Variants in VAV3 observed in about 807,000 individuals in gnomAD.
VAV3 encodes the protein vav guanine nucleotide exchange factor 3, also known as guanine nucleotide exchange factor VAV3.
A neutral mutation model predicts 131.2 loss-of-function variants in VAV3; 94 were observed. The ratio of observed to expected loss-of-function variants is 0.72; its 90% CI spans 0.61 to 0.85. VAV3 has a LOEUF of 0.85. Ranked by LOEUF, VAV3 falls within the 40% of genes least tolerant of loss-of-function variation. The pLI, the probability that VAV3 is intolerant of heterozygous loss-of-function variation, is 0.00. For synonymous variants in VAV3, 349 were observed against 342.0 expected (o/e 1.02, Z -0.22); for missense variants, 939 against 1,002.7 (o/e 0.94, Z 0.86).
rs955575190 is a variant in VAV3 at position 107,911,255 on chromosome 1, T to C, written c.205-36238A>G. ...AAATAAAAGTTACCTGCAACCTTAC[T>C]AACATTAACATGTATATATCTGTGT... On this transcript the variant is annotated intron_variant, in intron 1 of 26. Transcript: ENST00000370056. 5.3e-4 allele frequency among the ~76,000 whole-genome samples: 81 copies of C among 152,240 alleles called. 1 individual carries two copies. Among genetic ancestry groups the C allele is most frequent in the Non-Finnish European group, 1.5e-5 (1 of 68,042 alleles).
At chr1:107,580,675 T>C (rs1042233782) in intron 25 of VAV3, among the ~76,000 whole-genome samples, 2 of 152,182 alleles carry the variant, frequency 1.3e-5, no homozygotes, top group Admixed American at 1.3e-4. Context: ...TTAATTCCTT[T>C]GAGCTGGAAA....
intron 1 of VAV3, among the ~76,000 whole-genome samples, chr1:107,889,224 C>T (rs536972321): frequency 1.1e-4 from 16 of 150,122 alleles, no homozygotes; most frequent in Non-Finnish European, 2.2e-4. Flanking sequence ...CCAAAAACCT[C>T]CAAATTCTGT....
intron 15 of VAV3, among the ~76,000 whole-genome samples, chr1:107,732,664 G>C (rs1662326804): frequency 6.6e-6 from 1 of 152,184 alleles, no homozygotes; most frequent in African/African-American, 2.4e-5. Context: ...TGGGGAAGGG[G>C]CATCTGCCAT....
chr1:107,925,522 A>G (rs549844333), intron 1 of VAV3, among the ~76,000 whole-genome samples: 1 of 152,322 alleles, frequency 6.6e-6, no homozygotes, highest in East Asian at 1.9e-4. Context: ...AAATTCTGCC[A>G]TATGCTACAA....
chr1:107,627,905 G>C (rs1406740957), intron 20 of VAV3, among the ~76,000 whole-genome samples: 1 of 152,070 alleles, frequency 6.6e-6, no homozygotes, highest in Non-Finnish European at 1.5e-5. Flanking sequence ...ATTCATTCCA[G>C]ACCTATGGAC....
intron 2 of VAV3, among the ~76,000 whole-genome samples, chr1:107,788,885 T>C (rs1376539407): frequency 6.6e-6 from 1 of 152,236 alleles, no homozygotes; most frequent in Non-Finnish European, 1.5e-5. Context: ...AAAGATTACA[T>C]GGCAATTTTA....
chr1:107,789,083 T>C (rs890196734), intron 2 of VAV3, among the ~76,000 whole-genome samples: 2 of 152,348 alleles, frequency 1.3e-5, no homozygotes, highest in Non-Finnish European at 1.5e-5. Flanking sequence ...ATGCCCCATG[T>C]GCTCATGTCA....
rs142055075 is a variant in VAV3, at chr1:107,881,595, C to T, written c.205-6578G>A. Among the ~76,000 whole-genome samples, 627 of 152,288 alleles carry T rather than the reference C, an allele frequency of 4.1e-3. 5 individuals are homozygous for T. Among genetic ancestry groups the T allele is most frequent in the African/African-American group, 0.014 (589 of 41,554 alleles). On this transcript the variant is annotated intron_variant, in intron 1 of 26. Coordinates refer to ENST00000370056, the MANE Select transcript of VAV3 (RefSeq NM_006113.5). ...TGTGTCTTCAACAACCATGCGTAGC[C>T]TCTCTCCCTCTTCAGAAGGGCATGA...
chr1:107,717,185 C>T (rs1181362629), intron 15 of VAV3, among the ~76,000 whole-genome samples: 1 of 152,078 alleles, frequency 6.6e-6, no homozygotes, highest in Non-Finnish European at 1.5e-5. Flanking sequence ...TTTCAGAAAA[C>T]CAGCTCCTGG....
intron 22 of VAV3, among the ~76,000 whole-genome samples, chr1:107,605,778 T>C (rs1652215387): frequency 1.3e-5 from 2 of 152,210 alleles, no homozygotes; most frequent in Non-Finnish European, 1.5e-5. Context: ...AATTTTGTGT[T>C]TACACTTGGG....
rs2100984819 is a variant in VAV3 at position 107,861,311 on chromosome 1, A to G, written c.321+13590T>C. On this transcript the variant is annotated intron_variant, in intron 2 of 26. Transcript: ENST00000370056. The stretch of plus-strand genomic sequence containing the variant: ...TTTTTGTAAAAGCCAACGCTAATTA[A>G]TATCATCTCCCTTTCATCATTATAC... Among the ~76,000 whole-genome samples, 2 of 151,784 alleles carry G rather than the reference A, an allele frequency of 1.3e-5. 1 individual carries two copies. Among genetic ancestry groups the G allele is most frequent in the Non-Finnish European group, 2.9e-5 (2 of 67,836 alleles).
intron 15 of VAV3, among the ~76,000 whole-genome samples, chr1:107,714,943 G>A (rs550834059): frequency 1.3e-5 from 2 of 151,902 alleles, no homozygotes; most frequent in Non-Finnish European, 2.9e-5. Flanking sequence ...ATATACATCT[G>A]TCACTGCATT....
chr1:107,754,080 T>C (rs892301332), intron 12 of VAV3, among the ~76,000 whole-genome samples: 1 of 152,128 alleles, frequency 6.6e-6, no homozygotes. Flanking sequence ...TTGGAGACCT[T>C]GTAATACAGC....
chr1:107,732,708 G>A (rs1374632139), intron 15 of VAV3, among the ~76,000 whole-genome samples: 1 of 152,172 alleles, frequency 6.6e-6, no homozygotes, highest in Non-Finnish European at 1.5e-5. Flanking sequence ...AAAGTGGCCG[G>A]GAAGCTCGAC....
chr1:107,628,282 A>C (rs1654188810), intron 20 of VAV3, among the ~76,000 whole-genome samples: 2 of 152,220 alleles, frequency 1.3e-5, no homozygotes, highest in Non-Finnish European at 2.9e-5. Context: ...CTGTAAAAAA[A>C]AGCAAGTCAC....
intron 19 of VAV3, among the ~76,000 whole-genome samples, chr1:107,650,829 C>T (rs1157818419): frequency 6.7e-6 from 1 of 150,046 alleles, no homozygotes; most frequent in East Asian, 2.0e-4. Context: ...TTTGTCCTGG[C>T]GATAGTTTAC....
intron 4 of VAV3, among the ~76,000 whole-genome samples, chr1:107,773,482 T>C (rs998227516): frequency 1.3e-5 from 2 of 152,218 alleles, no homozygotes; most frequent in African/African-American, 4.8e-5. Context: ...TCAAGCCCAT[T>C]CAGAGGAAAC....
intron 15 of VAV3, among the ~76,000 whole-genome samples, chr1:107,724,431 TAA>T: frequency 6.6e-6 from 1 of 152,300 alleles, no homozygotes; most frequent in Non-Finnish European, 1.5e-5. Flanking sequence ...TTTTATTCAA[TAA>T]GTGTTTATTA....
chr1:107,902,522 G>A (rs555521047), intron 1 of VAV3, among the ~76,000 whole-genome samples: 4 of 152,082 alleles, frequency 2.6e-5, no homozygotes, highest in East Asian at 1.9e-4. Context: ...CCTAAGTACC[G>A]CTAGATAGTC....
Sources: gnomAD v4.1 joint callset for allele counts (sites outside exome capture counted in the v4.1 genomes callset) on GRCh38, gnomAD v4.1.1 for gene constraint, MANE v1.5 for transcripts, NCBI Gene and HGNC (gene_info 2026-07-23, HGNC 2026-07-21) for gene names.